The following NDUFB3 variants were observed in gnomAD, a reference collection of about 807,000 sequenced individuals.
The protein encoded by NDUFB3 is NADH:ubiquinone oxidoreductase subunit B3, also known as NADH dehydrogenase [ubiquinone] 1 beta subcomplex subunit 3.
In NDUFB3, 7 loss-of-function variants were observed where a neutral mutation model predicts 9.0. That is an observed-to-expected ratio of 0.78 (90% CI 0.44 to 1.46). The LOEUF is 1.46. Among genes scored for constraint, NDUFB3 ranks in the 40% most tolerant of loss-of-function variants. The probability of loss-of-function intolerance (pLI) is 0.01; values close to 1 mark genes in which losing one functional copy is unlikely to be tolerated. For synonymous variants in NDUFB3, 29 were observed against 38.5 expected, an observed-to-expected ratio of 0.75 and a Z score of 0.91; for missense variants, 93 against 115.4, an observed-to-expected ratio of 0.81 and a Z score of 0.89.
At position 201,076,484 on chromosome 2, in the gene NDUFB3, A is replaced by AATATATATATAT. The variant is rs561737388; in HGVS notation, c.-2-2379_-2-2368dup. Among the ~76,000 whole-genome samples, 949 of 119,990 alleles carry AATATATATATAT rather than the reference A, an allele frequency of 7.9e-3. 14 individuals are homozygous for AATATATATATAT. The highest frequency in any genetic ancestry group is 0.018 in the Middle Eastern group (4 of 218). The allele number at this position is 119,990 out of a possible 152,430, so 78.7% of individuals were successfully genotyped here. A position where few individuals can be genotyped will look rare whatever the true frequency, so the allele number is the denominator to read the frequency against. On this transcript the variant is annotated intron_variant, in intron 1 of 2. Coordinates refer to ENST00000237889, the MANE Select transcript of NDUFB3 (RefSeq NM_002491.3). Reference sequence around the variant, plus strand: ...TCCAGAGCAAGACCCTCTATCTTTAAATATATATATATATATATATATATA... The same window carrying AATATATATATAT: ...TCCAGAGCAAGACCCTCTATCTTTAAATATATATATATATATATATATATATATATATATATA...
intron 1 of NDUFB3, among the ~76,000 whole-genome samples, chr2:201,076,926 C>T (rs1201607585): frequency 6.6e-6 from 1 of 152,044 alleles, no homozygotes; most frequent in Non-Finnish European, 1.5e-5. Flanking sequence ...CATGGGGAAA[C>T]TCCATCTCTA....
chr2:201,081,141 A>G (rs2047217351), intron 2 of NDUFB3, among the ~76,000 whole-genome samples: 1 of 152,112 alleles, frequency 6.6e-6, no homozygotes, highest in Admixed American at 6.6e-5. Context: ...TCTGTTTCAC[A>G]TAGATTCACA....
chr2:201,076,651 ACT>A (rs1387442222), intron 1 of NDUFB3, among the ~76,000 whole-genome samples: 10 of 151,436 alleles, frequency 6.6e-5, no homozygotes, highest in Non-Finnish European at 1.2e-4. Flanking sequence ...AGAGAGTCTC[ACT>A]CTGTCGCCCA....
intron 2 of NDUFB3, among the ~76,000 whole-genome samples, chr2:201,081,902 G>A (rs914748416): frequency 2.7e-5 from 4 of 150,378 alleles, no homozygotes; most frequent in Non-Finnish European, 4.4e-5. Context: ...TGCAAGCTCC[G>A]CCTCCTGGGT....
chr2:201,075,291 C>G (rs1331770806), intron 1 of NDUFB3, among the ~76,000 whole-genome samples: 1 of 151,828 alleles, frequency 6.6e-6, no homozygotes, highest in Non-Finnish European at 1.5e-5. Flanking sequence ...TTTAGCCGGG[C>G]ACCGTGGCTC....
chr2:201,084,338 A>G (rs1575547758), intron 2 of NDUFB3, among the ~76,000 whole-genome samples: 1 of 150,658 alleles, frequency 6.6e-6, no homozygotes, highest in Admixed American at 6.6e-5. Context: ...GCGGGCACCT[A>G]TAATCCCAGC....
chr2:201,076,574 A>G (rs1281162747), intron 1 of NDUFB3, among the ~76,000 whole-genome samples: 3 of 149,918 alleles, frequency 2.0e-5, no homozygotes, highest in Non-Finnish European at 4.4e-5. Flanking sequence ...TACAAATAAT[A>G]AGTGTTGGTT....
chr2:201,075,696 G>A (rs988448086), intron 1 of NDUFB3, among the ~76,000 whole-genome samples: 2 of 151,680 alleles, frequency 1.3e-5, no homozygotes, highest in Non-Finnish European at 2.9e-5. Flanking sequence ...ATGAGGGTAT[G>A]TACGCTTTCA....
At chr2:201,085,311 T>C (rs1365574261) in intron 2 of NDUFB3, 148 bp from the exon 3 acceptor site, 4 of 543,728 alleles carry the variant, frequency 7.4e-6, no homozygotes, top group African/African-American at 5.7e-5. Flanking sequence ...AATTATCCTA[T>C]GCCACAGAAA....
At chr2:201,075,921 CTTGTT>C (rs954176629) in intron 1 of NDUFB3, among the ~76,000 whole-genome samples, 14 of 152,150 alleles carry the variant, frequency 9.2e-5, no homozygotes, top group African/African-American at 3.4e-4. Flanking sequence ...AAGGGTTTGT[CTTGTT>C]TTAAGTGTTT....
chr2:201,073,176 C>CT (rs2047113378), intron 1 of NDUFB3, among the ~76,000 whole-genome samples: 1 of 152,116 alleles, frequency 6.6e-6, no homozygotes, highest in Admixed American at 6.5e-5. Context: ...CTGACTTGTG[C>CT]TAAGCACTCA....
chr2:201,079,074 C>T, intron 2 of NDUFB3, 52 bp downstream of exon 2: 1 of 1,534,826 alleles, frequency 6.5e-7, no homozygotes, highest in Non-Finnish European at 8.8e-7. Context: ...AATCAAGTGT[C>T]TATGTTGCTT....
chr2:201,073,672 G>A (rs893639977), intron 1 of NDUFB3, among the ~76,000 whole-genome samples: 7 of 152,096 alleles, frequency 4.6e-5, no homozygotes, highest in Admixed American at 1.3e-4. Flanking sequence ...GTAGGCTGAG[G>A]CAGGAGAATC....
intron 1 of NDUFB3, among the ~76,000 whole-genome samples, chr2:201,076,437 T>C (rs927203235): frequency 9.5e-5 from 14 of 148,008 alleles, no homozygotes; most frequent in African/African-American, 3.5e-4. Flanking sequence ...GCCCAGGAGT[T>C]TGAGGCTGCA....
intron 2 of NDUFB3, among the ~76,000 whole-genome samples, chr2:201,083,351 C>CTTT (rs748310803): frequency 3.0e-4 from 36 of 119,962 alleles, no homozygotes; most frequent in East Asian, 6.9e-4. Flanking sequence ...TTTATTATTT[C>CTTT]TTTTTTTTTT....
In NDUFB3 at chr2:201,076,512, T is replaced by TATATATATATATATATAA. The variant is rs1250913348; in HGVS notation, c.-2-2368_-2-2367insTATATATATATATATAAA. Among the ~76,000 whole-genome samples the TATATATATATATATATAA allele has an allele frequency of 3.5e-4, 47 of 134,422 alleles. 4 individuals are homozygous for TATATATATATATATATAA. The highest frequency in any genetic ancestry group is 1.2e-3 in the African/African-American group (44 of 35,530). The allele number at this position is 134,422 out of a possible 152,430, so 88.2% of individuals were successfully genotyped here. A position where few individuals can be genotyped will look rare whatever the true frequency, so the allele number is the denominator to read the frequency against. ...ATATATATATATATATATATATATA[T>TATATATATATATATATAA]AATTAAATGTGAAAATCATCAACAT... On this transcript the variant is annotated intron_variant, in intron 1 of 2. Coordinates refer to ENST00000237889, the MANE Select transcript of NDUFB3 (RefSeq NM_002491.3).
At chr2:201,076,729 C>T (rs867319338) in intron 1 of NDUFB3, among the ~76,000 whole-genome samples, 2 of 151,716 alleles carry the variant, frequency 1.3e-5, no homozygotes, top group South Asian at 2.1e-4. Flanking sequence ...AAGCGATTCT[C>T]ATCCCTCAGC....
chr2:201,077,749 G>T lies in NDUFB3; in HGVS notation c.-2-1132G>T, dbSNP rs574427240. On this transcript the variant is annotated intron_variant, in intron 1 of 2. Transcript: ENST00000237889. ...CTACATTTTGAATTTTATCAATAAG[G>T]TATTTGCGGTAGTGTGTTTTCTCTT... Among the ~76,000 whole-genome samples, 5 of 152,198 alleles carry T rather than the reference G, an allele frequency of 3.3e-5. No individual in the cohort carries two copies. In the South Asian group the frequency reaches 6.2e-4, roughly 19 times the overall value.
chr2:201,083,351 CTTTTTTT>C (rs748310803), intron 2 of NDUFB3, among the ~76,000 whole-genome samples: 10 of 119,984 alleles, frequency 8.3e-5, no homozygotes, highest in South Asian at 2.7e-4. Flanking sequence ...TTTATTATTT[CTTTTTTT>C]TTTTTTTTTT....
Sources: gnomAD v4.1 joint callset for allele counts (sites outside exome capture counted in the v4.1 genomes callset) on GRCh38, gnomAD v4.1.1 for gene constraint, MANE v1.5 for transcripts, NCBI Gene and HGNC (gene_info 2026-07-23, HGNC 2026-07-21) for gene names.